Variants in RNF220 observed in about 807,000 individuals in gnomAD.
RNF220 encodes the protein E3 ubiquitin-protein ligase RNF220.
In RNF220, 7 loss-of-function variants were observed where a neutral mutation model predicts 67.1. That is an observed-to-expected ratio of 0.10 (90% CI 0.06 to 0.20). The LOEUF (loss-of-function observed/expected upper bound fraction) is 0.20. Ranked by LOEUF, RNF220 falls within the 10% of genes least tolerant of loss-of-function variation. The pLI, the probability that RNF220 is intolerant of heterozygous loss-of-function variation, is 1.00. For synonymous variants in RNF220, 270 were observed against 283.2 expected (o/e 0.95, Z 0.47); for missense variants, 565 against 740.3 (o/e 0.76, Z 2.75).
At chr1:44,462,809 A>C (rs1252795597) in intron 2 of RNF220, among the ~76,000 whole-genome samples, 1 of 151,614 alleles carries the variant, frequency 6.6e-6, no homozygotes, top group Non-Finnish European at 1.5e-5. Context: ...TGGGCAGATC[A>C]CAAGGTCAGG....
chr1:44,517,487 C>T (rs1322169636), intron 2 of RNF220, among the ~76,000 whole-genome samples: 4 of 152,130 alleles, frequency 2.6e-5, no homozygotes, highest in African/African-American at 7.2e-5. Context: ...TTTAACCTGG[C>T]CTTTGACTGT....
chr1:44,569,530 A>T (rs1664280996), intron 2 of RNF220, among the ~76,000 whole-genome samples: 1 of 152,206 alleles, frequency 6.6e-6, no homozygotes. Flanking sequence ...TAATTGAGCT[A>T]TCCAAGGAGC....
intron 2 of RNF220, among the ~76,000 whole-genome samples, chr1:44,594,617 C>A (rs1447459263): frequency 6.6e-6 from 1 of 151,584 alleles, no homozygotes; most frequent in East Asian, 1.9e-4. Flanking sequence ...TATTGCCCCA[C>A]CGCCCTGGCT....
chr1:44,595,311 C>T lies in RNF220; in HGVS notation c.626-18854C>T, dbSNP rs141106351. Among the ~76,000 whole-genome samples, 10 of 152,304 alleles carry T rather than the reference C, an allele frequency of 6.6e-5. No individual in the cohort carries two copies. In the East Asian group the frequency reaches 1.7e-3, roughly 26 times the overall value. On this transcript the variant is annotated intron_variant, in intron 2 of 14. Transcript: ENST00000361799. ...CCCCCTCCCAGTGCTGGAGCCACAG[C>T]GACACCTACTGGCCACGGACACCTA...
At chr1:44,480,941 C>A (rs1325852111) in intron 2 of RNF220, among the ~76,000 whole-genome samples, 1 of 152,078 alleles carries the variant, frequency 6.6e-6, no homozygotes, top group Non-Finnish European at 1.5e-5. Flanking sequence ...TCAAATGCTC[C>A]TGGGAGATCA....
intron 2 of RNF220, among the ~76,000 whole-genome samples, chr1:44,414,731 G>T (rs922965429): frequency 3.3e-5 from 5 of 152,086 alleles, no homozygotes; most frequent in African/African-American, 9.7e-5. Flanking sequence ...CTGATCAGAA[G>T]GGTGGGGAAA....
chr1:44,426,119 C>T (rs189173122), intron 2 of RNF220, among the ~76,000 whole-genome samples: 1 of 152,288 alleles, frequency 6.6e-6, no homozygotes, highest in East Asian at 1.9e-4. Flanking sequence ...TACCCTTTGC[C>T]TTTCTTCTCA....
At chr1:44,585,325 G>A (rs1241338229) in intron 2 of RNF220, among the ~76,000 whole-genome samples, 1 of 152,116 alleles carries the variant, frequency 6.6e-6, no homozygotes, top group Non-Finnish European at 1.5e-5. Flanking sequence ...CTGTCCTGGA[G>A]CTCCAACTCT....
intron 2 of RNF220, among the ~76,000 whole-genome samples, chr1:44,460,345 G>T (rs1002863730): frequency 1.3e-5 from 2 of 152,212 alleles, no homozygotes; most frequent in African/African-American, 4.8e-5. Context: ...GGGGATACTG[G>T]TAGGGCAGTG....
At chr1:44,642,129 C>A (rs1256400030) in intron 8 of RNF220, among the ~76,000 whole-genome samples, 1 of 152,202 alleles carries the variant, frequency 6.6e-6, no homozygotes, top group African/African-American at 2.4e-5. Flanking sequence ...AACTTGGGAC[C>A]CTTGCAGCTT....
At chr1:44,490,012 C>CT (rs200120257) in intron 2 of RNF220, among the ~76,000 whole-genome samples, 6 of 152,046 alleles carry the variant, frequency 3.9e-5, no homozygotes, top group African/African-American at 1.2e-4. Context: ...GAACTAATTA[C>CT]TTTTTTTTCT....
At chr1:44,407,770 A>G (rs1024866605) in intron 1 of RNF220, among the ~76,000 whole-genome samples, 1 of 152,166 alleles carries the variant, frequency 6.6e-6, no homozygotes, top group Non-Finnish European at 1.5e-5. Flanking sequence ...CCGTATTTGC[A>G]GGAGAAGCGG....
intron 2 of RNF220, among the ~76,000 whole-genome samples, chr1:44,486,136 G>A (rs558202411): frequency 1.7e-4 from 26 of 152,214 alleles, no homozygotes; most frequent in Non-Finnish European, 3.1e-4. Flanking sequence ...CTCCCAGACC[G>A]TCTTCCTTTC....
chr1:44,529,684 A>C (rs1280710046), intron 2 of RNF220, among the ~76,000 whole-genome samples: 1 of 152,164 alleles, frequency 6.6e-6, no homozygotes, highest in Non-Finnish European at 1.5e-5. Context: ...CCAGATATTT[A>C]TTTATATTTT....
intron 2 of RNF220, among the ~76,000 whole-genome samples, chr1:44,491,788 C>T (rs1191254497): frequency 2.0e-5 from 3 of 152,078 alleles, no homozygotes; most frequent in African/African-American, 4.8e-5. Context: ...CTCAGCCTCC[C>T]GAGTAGCTGG....
chr1:44,619,145 CAT>C (rs1026611233), intron 3 of RNF220, among the ~76,000 whole-genome samples: 3 of 152,148 alleles, frequency 2.0e-5, no homozygotes, highest in Admixed American at 1.3e-4. Context: ...CAGGAGTTTC[CAT>C]CCAGAGAGAT....
chr1:44,557,142 G>A (rs7519760), intron 2 of RNF220, among the ~76,000 whole-genome samples: 5,161 of 144,834 alleles, frequency 0.036, 234 homozygotes, highest in African/African-American at 0.11. Context: ...TTTTATATAC[G>A]TATGTATATA....
chr1:44,491,453 T>A (rs1368882019), intron 2 of RNF220, among the ~76,000 whole-genome samples: 1 of 152,068 alleles, frequency 6.6e-6, no homozygotes, highest in Non-Finnish European at 1.5e-5. Flanking sequence ...ACAAAATAAA[T>A]CAATGTAATA....
intron 2 of RNF220, among the ~76,000 whole-genome samples, chr1:44,436,965 T>A (rs141508449): frequency 6.6e-6 from 1 of 152,342 alleles, no homozygotes; most frequent in Non-Finnish European, 1.5e-5. Context: ...CTATCTTGCC[T>A]AAGGCAACAC....
Sources: allele counts gnomAD v4.1 joint callset (sites outside exome capture counted in the v4.1 genomes callset), GRCh38; gene constraint gnomAD v4.1.1; transcripts MANE v1.5; gene names NCBI Gene and HGNC (gene_info 2026-07-23, HGNC 2026-07-21).